The following NLRP13 variants were observed in gnomAD, a reference collection of about 807,000 sequenced individuals.
The protein encoded by NLRP13 is NLR family pyrin domain containing 13, also known as NACHT, LRR and PYD domains-containing protein 13.
NLRP13 carries 82 observed loss-of-function variants against 94.4 expected under a neutral mutation model. The ratio of observed to expected loss-of-function variants is 0.87; its 90% CI spans 0.73 to 1.04. The LOEUF is 1.04. Among genes scored for constraint, NLRP13 ranks in the 50% least tolerant of loss-of-function variants. NLRP13 has a pLI of 0.00. For synonymous variants in NLRP13, 553 were observed against 464.7 expected, an observed-to-expected ratio of 1.19 and a Z score of -2.45; for missense variants, 1,426 against 1,230.8, an observed-to-expected ratio of 1.16 and a Z score of -2.37.
chr19:55,899,890 T>C (rs780198823), intron 9 of NLRP13, among the ~76,000 whole-genome samples: 17 of 151,990 alleles, frequency 1.1e-4, no homozygotes, highest in Non-Finnish European at 1.9e-4. Flanking sequence ...GACAGTCAGA[T>C]TTCCCTAGAG....
chr19:55,902,941 A>C (rs1009875652), intron 8 of NLRP13, among the ~76,000 whole-genome samples: 1 of 32,138 alleles, frequency 3.1e-5, no homozygotes, highest in African/African-American at 1.1e-4. Flanking sequence ...TTACATTATA[A>C]ATTATAACAA....
rs1424603384 is a variant in NLRP13, at chr19:55,924,960, T to C, written c.388+7A>G. 1 of 1,613,242 alleles carries C rather than the reference T, an allele frequency of 6.2e-7. No individual in the cohort carries two copies. The highest frequency in any genetic ancestry group is 1.7e-5 in the Admixed American group (1 of 60,026). On this transcript the variant is annotated splice_region_variant and intron_variant, in intron 2 of 10. Coordinates refer to ENST00000342929, the MANE Select transcript of NLRP13 (RefSeq NM_176810.2). ...TGTCCATTATCAACTTAAAGTAGTGTACACACCTGCTGCTGCTTCTAGCAT... is the reference window on the plus strand; with the variant it reads ...TGTCCATTATCAACTTAAAGTAGTGCACACACCTGCTGCTGCTTCTAGCAT...
At chr19:55,919,587 C>A in intron 4 of NLRP13, among the ~76,000 whole-genome samples, 1 of 151,020 alleles carries the variant, frequency 6.6e-6, no homozygotes, top group Non-Finnish European at 1.5e-5. Flanking sequence ...AGCTGAGAAC[C>A]AAATTAAGAA....
At chr19:55,924,769 G>A (rs1986927540) in intron 2 of NLRP13, 111 bp from the exon 3 acceptor site, 1 of 939,064 alleles carries the variant, frequency 1.1e-6, no homozygotes, top group East Asian at 2.4e-5. Context: ...CGGGATTGAA[G>A]AGACTGGAGG....
intron 9 of NLRP13, among the ~76,000 whole-genome samples, chr19:55,900,769 C>A (rs1351827893): frequency 1.1e-5 from 1 of 89,824 alleles, no homozygotes; most frequent in Non-Finnish European, 2.4e-5. Flanking sequence ...GAACAAGACT[C>A]CATCTTAAAA....
intron 4 of NLRP13, among the ~76,000 whole-genome samples, chr19:55,915,385 G>A (rs1986650168): frequency 6.6e-6 from 1 of 151,972 alleles, no homozygotes; most frequent in Admixed American, 6.6e-5. Flanking sequence ...ATCACCTGAG[G>A]TCAGGAGTTC....
At chr19:55,928,650 T>C (rs746323574) in intron 1 of NLRP13, among the ~76,000 whole-genome samples, 2 of 152,200 alleles carry the variant, frequency 1.3e-5, no homozygotes, top group African/African-American at 2.4e-5. Context: ...CTAATTCCTC[T>C]CTCCAGGTCT....
rs1309120036 is a variant in NLRP13 at position 55,927,782 on chromosome 19, A to G, written c.320-2747T>C. Reference sequence around the variant, plus strand: ...AGGTTGGAACAGTGACCCCAGTTTAAGAAAGAATTGTGGCCCCGTGGTAAA... The same window carrying G: ...AGGTTGGAACAGTGACCCCAGTTTAGGAAAGAATTGTGGCCCCGTGGTAAA... On this transcript the variant is annotated intron_variant, in intron 1 of 10. Coordinates refer to ENST00000342929, the MANE Select transcript of NLRP13 (RefSeq NM_176810.2). Among the ~76,000 whole-genome samples, 4 of 152,140 alleles carry G rather than the reference A, an allele frequency of 2.6e-5. No individual in the cohort carries two copies. The East Asian group carries it at 7.7e-4, about 29-fold the overall frequency.
chr19:55,899,829 G>A (rs1174227005), intron 9 of NLRP13, among the ~76,000 whole-genome samples: 1 of 152,084 alleles, frequency 6.6e-6, no homozygotes, highest in Non-Finnish European at 1.5e-5. Flanking sequence ...ACCCATCAAA[G>A]GCCAAGTGTA....
chr19:55,913,802 T>A (rs1396541768), intron 4 of NLRP13, among the ~76,000 whole-genome samples: 1 of 151,800 alleles, frequency 6.6e-6, no homozygotes, highest in Non-Finnish European at 1.5e-5. Context: ...CCACCCAGAA[T>A]TTTTTTCTGC....
intron 4 of NLRP13, among the ~76,000 whole-genome samples, chr19:55,919,426 C>T (rs775359886): frequency 2.0e-5 from 3 of 151,642 alleles, no homozygotes; most frequent in Non-Finnish European, 3.0e-5. Context: ...AAGAAGAAGC[C>T]AAATTATCTG....
At position 55,912,344 on chromosome 19, in the gene NLRP13, CAG is replaced by C; in HGVS notation, c.1471_1472del (p.Leu491ValfsTer8). On this transcript the variant is annotated frameshift_variant, in exon 5 of 11. Transcript: ENST00000342929. LOFTEE classifies it high-confidence loss of function. Reference sequence around the variant, plus strand: ...TGTTAAACGTGAAGTTCATAGACCACAGCCCTTCTATGGCCAGACTGCAGAGG... The same window carrying C: ...TGTTAAACGTGAAGTTCATAGACCACCCCTTCTATGGCCAGACTGCAGAGG... ...RALCSLAIEG[L>X]WSMNFTFNKE... is the part of the protein sequence containing the mutation. The C allele has an allele frequency of 6.2e-7, 1 of 1,614,124 alleles. No individual in the cohort carries two copies. The highest frequency in any genetic ancestry group is 8.5e-7 in the Non-Finnish European group (1 of 1,180,008).
intron 4 of NLRP13, among the ~76,000 whole-genome samples, chr19:55,920,437 C>T (rs991871636): frequency 1.3e-5 from 2 of 151,954 alleles, no homozygotes; most frequent in African/African-American, 4.8e-5. Flanking sequence ...GGCTAATATC[C>T]AGAACCTACA....
At position 55,913,223 on chromosome 19, in the gene NLRP13, A is replaced by T; in HGVS notation, c.594T>A (p.Pro198=). The change falls in exon 5 of 11, where the codon CCT becomes CCA. Residue 198 remains proline, a synonymous_variant. Coordinates refer to ENST00000342929, the MANE Select transcript of NLRP13 (RefSeq NM_176810.2). The part of the protein sequence containing the change: ...LLETWDNISW[P]KDHVYIRNTS... ...TATTACGGATATATACGTGGTCTTT[A>T]GGCCAACTGATGTTGTCCCATGTCT... 1 of 1,614,110 alleles carries T rather than the reference A, an allele frequency of 6.2e-7. No homozygotes were observed.
chr19:55,908,873 T>C (rs1986425636), intron 6 of NLRP13, among the ~76,000 whole-genome samples: 1 of 152,068 alleles, frequency 6.6e-6, no homozygotes, highest in Non-Finnish European at 1.5e-5. Flanking sequence ...ATGACACACA[T>C]TTACCTAGTG....
At chr19:55,910,816 G>A (rs1239918824) in intron 5 of NLRP13, 83 bp from the exon 6 acceptor site, 2 of 1,138,546 alleles carry the variant, frequency 1.8e-6, no homozygotes, top group African/African-American at 3.1e-5. Flanking sequence ...GACACAGAAA[G>A]AAACCCTAAC....
chr19:55,914,382 A>G (rs1053112417), intron 4 of NLRP13, among the ~76,000 whole-genome samples: 1 of 152,206 alleles, frequency 6.6e-6, no homozygotes, highest in African/African-American at 2.4e-5. Context: ...CGTAATTTAT[A>G]TTTTTAGAAC....
intron 2 of NLRP13, 64 bp downstream of exon 2, chr19:55,924,903 G>A (rs1279125930): frequency 6.8e-5 from 92 of 1,346,556 alleles, no homozygotes; most frequent in Non-Finnish European, 9.6e-5. Flanking sequence ...CAGCGGATGT[G>A]GACCAGTGAA....
At chr19:55,928,579 A>T (rs959880643) in intron 1 of NLRP13, among the ~76,000 whole-genome samples, 1 of 152,230 alleles carries the variant, frequency 6.6e-6, no homozygotes, top group African/African-American at 2.4e-5. Context: ...TTTTAAGTTT[A>T]TATTTTTAAA....
Sources: gnomAD v4.1 joint callset for allele counts (sites outside exome capture counted in the v4.1 genomes callset) on GRCh38, gnomAD v4.1.1 for gene constraint, MANE v1.5 for transcripts, NCBI Gene and HGNC (gene_info 2026-07-23, HGNC 2026-07-21) for gene names.